U2SURP: variants seen among roughly 807,000 people sequenced by gnomAD.
U2SURP encodes the protein U2 snRNP-associated SURP motif-containing protein.
Under a neutral mutation model 144.9 loss-of-function variants are expected in U2SURP, and 9 were observed. That is an observed-to-expected ratio of 0.06 (90% CI 0.04 to 0.11). The LOEUF (loss-of-function observed/expected upper bound fraction) is 0.11. Ranked by LOEUF, U2SURP falls within the 10% of genes least tolerant of loss-of-function variation. The pLI, the probability that U2SURP is intolerant of heterozygous loss-of-function variation, is 1.00. For missense variants in U2SURP, 724 were observed against 1,226.7 expected, an observed-to-expected ratio of 0.59 and a Z score of 6.12; for synonymous variants, 408 against 396.8, an observed-to-expected ratio of 1.03 and a Z score of -0.33.
In U2SURP at chr3:143,056,583, T is replaced by C. The variant is rs1459768458; in HGVS notation, c.*133T>C. Reference sequence around the variant, plus strand: ...TTTTTTGTTTGTTTGTGTATGCATGTGTAAACTCATGAGCAACTGCATCTG... The same window carrying C: ...TTTTTTGTTTGTTTGTGTATGCATGCGTAAACTCATGAGCAACTGCATCTG... On this transcript the variant is annotated 3_prime_UTR_variant, in exon 28 of 28. Coordinates refer to ENST00000473835, the MANE Select transcript of U2SURP (RefSeq NM_001080415.2). The C allele has an allele frequency of 2.0e-6, 2 of 994,266 alleles. No individual in the cohort carries two copies. Among genetic ancestry groups the C allele is most frequent in the Non-Finnish European group, 2.9e-6 (2 of 689,344 alleles). 61.6% of individuals were successfully genotyped at this position (994,266 alleles called of 1,614,324 possible).
chr3:143,010,828 A>G lies in U2SURP; in HGVS notation c.59A>G (p.Asp20Gly). 10 of 1,607,820 alleles carry G rather than the reference A, an allele frequency of 6.2e-6. No individual in the cohort carries two copies. Among genetic ancestry groups the G allele is most frequent in the Non-Finnish European group, 8.5e-6 (10 of 1,177,392 alleles). The change falls in exon 2 of 28, where the codon GAT becomes GGT. Residue 20 changes from aspartate to glycine, a missense_variant. Transcript: ENST00000473835. ...QKASSKTRSS[D>G]VHSSGSSDAH... ...TGATACTTGTAGACGAGATCATCAG[A>G]TGTTCATTCATCTGGATCTTCAGAT...
At chr3:143,032,606 A>G (rs1344726771) in intron 16 of U2SURP, among the ~76,000 whole-genome samples, 178 bp from the exon 17 acceptor site, 1 of 152,208 alleles carries the variant, frequency 6.6e-6, no homozygotes, top group Non-Finnish European at 1.5e-5. Context: ...TCTTATATAA[A>G]TTCTTCAAAA....
At chr3:143,011,311 G>C (rs1320217005) in intron 2 of U2SURP, among the ~76,000 whole-genome samples, 2 of 151,866 alleles carry the variant, frequency 1.3e-5, no homozygotes, top group Non-Finnish European at 2.9e-5. Flanking sequence ...TATATTTTTT[G>C]TTTAAAGCTT....
intron 18 of U2SURP, 72 bp downstream of exon 18, chr3:143,033,422 G>A (rs1933617323): frequency 1.2e-6 from 1 of 818,252 alleles, no homozygotes; most frequent in Non-Finnish European, 1.9e-6. Context: ...AAAGAGGATT[G>A]TTTTGTTAAC....
chr3:143,045,485 C>CAT (rs1223929876), intron 24 of U2SURP, among the ~76,000 whole-genome samples: 2 of 151,938 alleles, frequency 1.3e-5, no homozygotes, highest in Non-Finnish European at 2.9e-5. Flanking sequence ...GCTATTCCCT[C>CAT]ATATAAATGC....
chr3:143,039,508 G>T (rs531480550), intron 23 of U2SURP, among the ~76,000 whole-genome samples: 12 of 151,686 alleles, frequency 7.9e-5, no homozygotes, highest in Non-Finnish European at 1.6e-4. Context: ...GTGGTTGTAG[G>T]AATCTCTCCT....
intron 24 of U2SURP, among the ~76,000 whole-genome samples, chr3:143,047,887 C>A (rs1934618615): frequency 6.6e-6 from 1 of 150,856 alleles, no homozygotes; most frequent in South Asian, 2.1e-4. Flanking sequence ...GGCTGACCCC[C>A]CCCAACCTCC....
At chr3:143,006,219 A>G (rs1160841140) in intron 1 of U2SURP, among the ~76,000 whole-genome samples, 1 of 152,340 alleles carries the variant, frequency 6.6e-6, no homozygotes, top group East Asian at 1.9e-4. Flanking sequence ...CTTTATTTAT[A>G]TAGTGCTTGT....
chr3:143,023,002 C>A lies in U2SURP; in HGVS notation c.1168C>A (p.Arg390=), dbSNP rs749875853. ...GLPFNAQPRE[R]LKNPNAPMLP... is the part of the protein sequence containing the mutation. Reference sequence around the variant, plus strand: ...GCCTTTTAATGCGCAGCCTAGAGAGCGGTTAAAAAACCCTAATGCTCCTAT... The same window carrying A: ...GCCTTTTAATGCGCAGCCTAGAGAGAGGTTAAAAAACCCTAATGCTCCTAT... Residue 390 remains arginine, a synonymous_variant, in exon 12 of 28, where the codon CGG becomes AGG. Coordinates refer to ENST00000473835, the MANE Select transcript of U2SURP (RefSeq NM_001080415.2). 1 of 1,611,264 alleles carries A rather than the reference C, an allele frequency of 6.2e-7. No homozygotes were observed. Among genetic ancestry groups the A allele is most frequent in the Non-Finnish European group, 8.5e-7 (1 of 1,178,680 alleles).
intron 13 of U2SURP, 38 bp from the exon 14 acceptor site, chr3:143,027,111 G>A (rs1419004983): frequency 6.8e-6 from 10 of 1,474,988 alleles, no homozygotes; most frequent in Non-Finnish European, 9.5e-6. Context: ...ATAGTGGTAG[G>A]TCTGAATCCA....
intron 12 of U2SURP, 179 bp downstream of exon 12, chr3:143,023,243 G>A: frequency 1.9e-6 from 1 of 525,004 alleles, no homozygotes; most frequent in Non-Finnish European, 3.2e-6. Flanking sequence ...GAAATACTAG[G>A]TCATATTTTT....
At chr3:143,006,727 A>G (rs1335966330) in intron 1 of U2SURP, among the ~76,000 whole-genome samples, 1 of 152,112 alleles carries the variant, frequency 6.6e-6, no homozygotes, top group Admixed American at 6.5e-5. Context: ...GGGCAAAAAG[A>G]GCGAAACTCC....
At chr3:143,010,582 A>C (rs1387904043) in intron 1 of U2SURP, among the ~76,000 whole-genome samples, 1 of 152,160 alleles carries the variant, frequency 6.6e-6, no homozygotes, top group East Asian at 1.9e-4. Flanking sequence ...TATATATCCC[A>C]CTAGTGTTTA....
chr3:143,037,798 G>A (rs1578151101), intron 21 of U2SURP, among the ~76,000 whole-genome samples: 1 of 152,012 alleles, frequency 6.6e-6, no homozygotes, highest in South Asian at 2.1e-4. Flanking sequence ...TTTAAATATT[G>A]AATAATGTAT....
intron 6 of U2SURP, among the ~76,000 whole-genome samples, chr3:143,018,005 T>G (rs1022140521): frequency 3.3e-5 from 5 of 151,876 alleles, no homozygotes; most frequent in Non-Finnish European, 7.4e-5. Context: ...GAGGATGGCT[T>G]GAGCCCAGGA....
At chr3:143,016,215 A>T (rs777446245) in intron 4 of U2SURP, 42 bp from the exon 5 acceptor site, 1 of 1,575,420 alleles carries the variant, frequency 6.3e-7, no homozygotes, top group South Asian at 1.1e-5. Flanking sequence ...TACATTAACA[A>T]TTTTTGTATT....
intron 1 of U2SURP, among the ~76,000 whole-genome samples, chr3:143,007,780 C>T (rs983223255): frequency 2.6e-5 from 4 of 152,076 alleles, no homozygotes; most frequent in African/African-American, 9.7e-5. Context: ...GGTTTGTGTT[C>T]TTCAGTTAAA....
intron 18 of U2SURP, among the ~76,000 whole-genome samples, chr3:143,033,717 C>T (rs967310242): frequency 6.6e-6 from 1 of 152,116 alleles, no homozygotes; most frequent in African/African-American, 2.4e-5. Context: ...GGAACTTGAG[C>T]ATCTGTGGAT....
At position 143,028,720 on chromosome 3, in the gene U2SURP, A is replaced by G. The variant is rs1933302659; in HGVS notation, c.1610+74A>G. 12 of 1,317,560 alleles carry G rather than the reference A, an allele frequency of 9.1e-6. No individual in the cohort carries two copies. The South Asian group carries it at 1.5e-4, about 16-fold the overall frequency. The allele number at this position is 1,317,560 out of a possible 1,614,324, so 81.6% of individuals were successfully genotyped here. A position where few individuals can be genotyped will look rare whatever the true frequency, so the allele number is the denominator to read the frequency against. On this transcript the variant is annotated intron_variant, in intron 16 of 27. Coordinates refer to ENST00000473835, the MANE Select transcript of U2SURP (RefSeq NM_001080415.2). ...GGTTGCTTTAATTAATGGTCTTATT[A>G]AGATGTTAACCCTAAAATAAATTTT... is the stretch of plus-strand genomic sequence containing the variant.
Sources: allele counts gnomAD v4.1 joint callset (sites outside exome capture counted in the v4.1 genomes callset), GRCh38; gene constraint gnomAD v4.1.1; transcripts MANE v1.5; gene names NCBI Gene and HGNC (gene_info 2026-07-23, HGNC 2026-07-21).